Variants in C1R observed in about 807,000 individuals in gnomAD.
C1R encodes complement C1r.
A neutral mutation model predicts 27.6 loss-of-function variants in C1R; 15 were observed. That is an observed-to-expected ratio of 0.54 (90% CI 0.36 to 0.84). C1R has a LOEUF of 0.84. C1R is among the 40% of genes least tolerant of loss of function. The pLI is 0.01. For missense variants in C1R, 544 were observed against 577.9 expected (o/e 0.94, Z 0.60); for synonymous variants, 253 against 228.8 (o/e 1.11, Z -0.95).
chr12:7,090,935 G>C lies in C1R; in HGVS notation c.231+517C>G, dbSNP rs555258182. On this transcript the variant is annotated intron_variant, in intron 2 of 10. Transcript: ENST00000647956. ...TAGTTGTTGGACCTTCGCAGGCTCT[G>C]CTTGAGCCCTGAATCTCATTTTTAC... Among the ~76,000 whole-genome samples, 232 of 152,310 alleles carry C rather than the reference G, an allele frequency of 1.5e-3. 1 individual carries two copies. The highest frequency in any genetic ancestry group is 3.4e-3 in the Middle Eastern group (1 of 294).
chr12:7,081,451 C>A, intron 10 of C1R, 150 bp from the exon 11 acceptor site: 1 of 670,380 alleles, frequency 1.5e-6, no homozygotes, highest in Non-Finnish European at 2.6e-6. Context: ...CGTCATTGGC[C>A]TATTGACAGG....
chr12:7,091,283 C>T lies in C1R; in HGVS notation c.231+169G>A. 2 of 614,540 alleles carry T rather than the reference C, an allele frequency of 3.3e-6. No individual in the cohort carries two copies. The highest frequency in any genetic ancestry group is 2.8e-5 in the East Asian group (1 of 36,308). 38.1% of individuals were successfully genotyped at this position (614,540 alleles called of 1,614,324 possible). On this transcript the variant is annotated intron_variant, in intron 2 of 10. Coordinates refer to ENST00000647956, the MANE Select transcript of C1R (RefSeq NM_001733.7). This position sits in a 1 kb window ranked among gnomAD's most constrained non-coding sequence, Gnocchi z 5.1. ...TTCTCCCCTCAGTGCTCACCGAGGG[C>T]CTCTACACCAGTGAGCGCCCATCCA... is the stretch of plus-strand genomic sequence containing the variant.
chr12:7,080,860 C>G lies in C1R; in HGVS notation c.1790G>C (p.Gly597Ala), dbSNP rs1405018679. ...LGLMGYVSGF[G>A]VMEEKIAHDL... Reference sequence around the variant, plus strand: ...ATGAGCAATCTTCTCCTCCATGACCCCGAAGCCACTGACATAGCCCATCAA... The same window carrying G: ...ATGAGCAATCTTCTCCTCCATGACCGCGAAGCCACTGACATAGCCCATCAA... Residue 597 changes from glycine (G) to alanine (A), a missense_variant, in exon 11 of 11, where the codon GGG becomes GCG. This residue lies in a region of C1R where 253 missense variants were observed against 368.9 expected (regional missense o/e 0.69). Coordinates refer to ENST00000647956, the MANE Select transcript of C1R (RefSeq NM_001733.7). The surrounding 1 kb of genome is among the most constrained non-coding windows in gnomAD (Gnocchi z 4.9). 1 of 1,613,964 alleles carries G rather than the reference C, an allele frequency of 6.2e-7. No individual in the cohort carries two copies. The highest frequency in any genetic ancestry group is 2.2e-5 in the East Asian group (1 of 44,872).
intron 3 of C1R, 161 bp downstream of exon 3, chr12:7,089,895 G>A (rs1398591328): frequency 4.2e-6 from 3 of 708,702 alleles, no homozygotes; most frequent in Non-Finnish European, 7.9e-6. Flanking sequence ...GCTCCATGGG[G>A]ACAGAGCCCA....
intron 7 of C1R, 63 bp downstream of exon 7, chr12:7,088,547 C>T: frequency 1.4e-6 from 1 of 718,554 alleles, no homozygotes; most frequent in Non-Finnish European, 2.6e-6. Context: ...CTCTGTGAAC[C>T]CACCACCTGA....
rs1325021925 is a variant in C1R at position 7,085,077 on chromosome 12, ATGG to A, written c.1273+781_1273+783del. Among the ~76,000 whole-genome samples the A allele has an allele frequency of 2.7e-3, 262 of 97,808 alleles. 8 individuals are homozygous for A. The highest frequency in any genetic ancestry group is 9.5e-3 in the African/African-American group (234 of 24,682). 64.2% of individuals were successfully genotyped at this position (97,808 alleles called of 152,430 possible). A position where few individuals can be genotyped will look rare whatever the true frequency, so the allele number is the denominator to read the frequency against. ...AGTGGTGTTGGTAATGATAGTGGTG[ATGG>A]TGGTGATGGTGGTGTTAGTGTGGTG... On this transcript the variant is annotated intron_variant, in intron 9 of 10. Coordinates refer to ENST00000647956, the MANE Select transcript of C1R (RefSeq NM_001733.7).
In C1R at chr12:7,088,523, G is replaced by A. The variant is rs1347502567; in HGVS notation, c.1038+87C>T. 5 of 718,084 alleles carry A rather than the reference G, an allele frequency of 7.0e-6. No individual in the cohort carries two copies. The East Asian group carries it at 1.3e-4, about 19-fold the overall frequency. The allele number at this position is 718,084 out of a possible 1,614,324, so 44.5% of individuals were successfully genotyped here. The stretch of plus-strand genomic sequence containing the variant: ...CTGAAACGTCTACGACTCCAGCTGG[G>A]GTGAGACTAAATCCTCTGTGAACCC... On this transcript the variant is annotated intron_variant, in intron 7 of 10. Transcript: ENST00000647956.
chr12:7,086,288 C>T, intron 8 of C1R, 91 bp downstream of exon 8: 1 of 397,970 alleles, frequency 2.5e-6, no homozygotes, highest in Non-Finnish European at 4.4e-6. Context: ...TGGAAAGAGG[C>T]TTAGTCTGGA....
intron 2 of C1R, among the ~76,000 whole-genome samples, chr12:7,090,931 C>T (rs1176584631): frequency 1.3e-5 from 2 of 152,226 alleles, no homozygotes; most frequent in Non-Finnish European, 2.9e-5. Context: ...CCTTCGCAGG[C>T]TCTGCTTGAG....
intron 9 of C1R, 109 bp downstream of exon 9, chr12:7,085,752 C>T (rs1938146672): frequency 2.5e-6 from 1 of 397,378 alleles, no homozygotes; most frequent in Admixed American, 4.4e-5. Flanking sequence ...AAGCCAGTGC[C>T]CTGGCAGATA....
Position 7,091,213 on chromosome 12 carries a change from A to G in C1R, c.231+239T>C. On this transcript the variant is annotated intron_variant, in intron 2 of 10. Transcript: ENST00000647956. The surrounding 1 kb of genome is among the most constrained non-coding windows in gnomAD (Gnocchi z 5.1). ...GGGGAAGGTTTTCCTGACTCAGTGG[A>G]TGTTGAATTTCCTGAGTGGGTCCTG... 1 of 512,170 alleles carries G rather than the reference A, an allele frequency of 2.0e-6. No individual in the cohort carries two copies. The highest frequency in any genetic ancestry group is 3.6e-5 in the East Asian group (1 of 27,842). The allele number at this position is 512,170 out of a possible 1,614,324, so 31.7% of individuals were successfully genotyped here.
intron 9 of C1R, among the ~76,000 whole-genome samples, chr12:7,083,013 T>C (rs1434091533): frequency 6.6e-6 from 1 of 152,220 alleles, no homozygotes; most frequent in Non-Finnish European, 1.5e-5. Context: ...ATTTTTTCCC[T>C]TTTTTCTGTG....
chr12:7,088,191 T>A (rs529480142), intron 7 of C1R, among the ~76,000 whole-genome samples: 9 of 152,192 alleles, frequency 5.9e-5, no homozygotes, highest in Non-Finnish European at 1.3e-4. Flanking sequence ...GTTATTGGAC[T>A]AGGGCAATAG....
At chr12:7,081,323 C>T in intron 10 of C1R, 22 bp from the exon 11 acceptor site, 4 of 1,600,104 alleles carry the variant, frequency 2.5e-6, no homozygotes, top group Non-Finnish European at 3.4e-6. Flanking sequence ...ACAGGGAAGA[C>T]AAGGGCAAGT....
Position 7,082,104 on chromosome 12 carries a change from C to A in C1R, c.1276G>T (p.Val426Leu), listed in dbSNP as rs1036994049. 5.3e-6 allele frequency: 8 copies of A among 1,506,342 alleles called. No individual in the cohort carries two copies. Among genetic ancestry groups the A allele is most frequent in the African/African-American group, 1.4e-5 (1 of 72,378 alleles). 93.3% of individuals were successfully genotyped at this position (1,506,342 alleles called of 1,614,324 possible). Residue 426 changes from valine (V) to leucine (L), a missense_variant and splice_region_variant, in exon 10 of 11, where the codon GTG (valine) becomes TTG (leucine). Val to Leu is a conservative substitution (Grantham distance 32). This residue lies in a region of C1R where 291 missense variants were observed against 209.0 expected (regional missense o/e 1.39). Transcript: ENST00000647956. ...ATGCCCTGTGCTGTGCAGGTGTACA[C>A]CCCTGAGGGCAGAGGAGGCAAGAAT... ...RAGSRESEQG[V>L]YTCTAQGIWK...
chr12:7,081,147 G>T lies in C1R; in HGVS notation c.1503C>A (p.Ala501=). The part of the protein sequence containing the change: ...LLGDRWILTA[A]HTLYPKEHEA... ...CGTGTTCCTTGGGATACAGGGTGTGGGCAGCTGTGAGGATCCAGCGGTCGC... is the reference window on the plus strand; with the variant it reads ...CGTGTTCCTTGGGATACAGGGTGTGTGCAGCTGTGAGGATCCAGCGGTCGC... The change falls in exon 11 of 11, where the codon GCC becomes GCA. Residue 501 remains alanine (A), a synonymous_variant. Coordinates refer to ENST00000647956, the MANE Select transcript of C1R (RefSeq NM_001733.7). 6.2e-7 allele frequency: 1 copy of T among 1,614,016 alleles called. No individual in the cohort carries two copies. Among genetic ancestry groups the T allele is most frequent in the South Asian group, 1.1e-5 (1 of 91,090 alleles).
intron 7 of C1R, chr12:7,088,342 C>T: frequency 1.5e-6 from 1 of 657,046 alleles, no homozygotes; most frequent in Non-Finnish European, 2.7e-6. Context: ...TTTTATTTTT[C>T]AGAGACAGAG....
chr12:7,083,442 T>C (rs1044267698), intron 9 of C1R, among the ~76,000 whole-genome samples: 91 of 152,088 alleles, frequency 6.0e-4, no homozygotes, highest in African/African-American at 2.0e-3. Flanking sequence ...GTGGTGTTTG[T>C]AATGGTGATA....
Position 7,080,899 on chromosome 12 carries a change from A to C in C1R, c.1751T>G (p.Phe584Cys), listed in dbSNP as rs745872780. 6.2e-7 allele frequency: 1 copy of C among 1,613,508 alleles called. No homozygotes were observed. The highest frequency in any genetic ancestry group is 1.1e-5 in the South Asian group (1 of 91,076). ...ATAGCCCATCAAGCCCAGGTCGTAG[A>C]AGGTATCGTTGTCAGGGAGGCAGAT... is the stretch of plus-strand genomic sequence containing the variant. ...LPICLPDNDT[F>C]YDLGLMGYVS... Residue 584 changes from phenylalanine (F) to cysteine (C), a missense_variant, in exon 11 of 11, where the codon TTC (phenylalanine) becomes TGC (cysteine). By Grantham distance (205) the Phe-to-Cys change is radical (BLOSUM62 -2). Coordinates refer to ENST00000647956, the MANE Select transcript of C1R (RefSeq NM_001733.7). This position sits in a 1 kb window ranked among gnomAD's most constrained non-coding sequence, Gnocchi z 4.9.
Sources: gnomAD v4.1 joint callset for allele counts (sites outside exome capture counted in the v4.1 genomes callset) on GRCh38, gnomAD v4.1.1 for gene constraint, gnomAD v4.1.1 regional missense constraint, Gnocchi (gnomAD v3.1) non-coding constraint, MANE v1.5 for transcripts, NCBI Gene and HGNC (gene_info 2026-07-23, HGNC 2026-07-21) for gene names.